RXRA: variants seen among roughly 807,000 people sequenced by gnomAD.
The protein encoded by RXRA is retinoic acid receptor RXR-alpha.
RXRA carries 5 observed loss-of-function variants against 44.5 expected under a neutral mutation model. That is an observed-to-expected ratio of 0.11 (90% confidence interval 0.06 to 0.24). RXRA has a LOEUF of 0.24. RXRA is among the 10% of genes least tolerant of loss of function. The probability of loss-of-function intolerance (pLI) is 1.00; values close to 1 mark genes in which losing one functional copy is unlikely to be tolerated. For synonymous variants in RXRA, 291 were observed against 271.4 expected (o/e 1.07, Z -0.71); for missense variants, 412 against 646.5 (o/e 0.64, Z 3.93).
intron 6 of RXRA, chr9:134,424,082 T>C (rs749199961): frequency 5.1e-6 from 5 of 985,210 alleles, no homozygotes; most frequent in Non-Finnish European, 6.0e-6. Context: ...CTGTGTGGGG[T>C]GTTCGTGGTG....
chr9:134,408,076 G>C, intron 2 of RXRA, 73 bp from the exon 3 acceptor site: 1 of 1,183,252 alleles, frequency 8.5e-7, no homozygotes. Context: ...CGCCATCCTT[G>C]CTGCAGGGCC....
chr9:134,376,385 C>G (rs78382306), intron 1 of RXRA, among the ~76,000 whole-genome samples: 1 of 152,220 alleles, frequency 6.6e-6, no homozygotes, highest in Non-Finnish European at 1.5e-5. Flanking sequence ...CTGCTCCCGT[C>G]TATGCTGTCT....
At chr9:134,414,514 G>A (rs527314531) in intron 4 of RXRA, among the ~76,000 whole-genome samples, 21 of 152,392 alleles carry the variant, frequency 1.4e-4, no homozygotes, top group Non-Finnish European at 2.9e-4. Context: ...AGAGAGGTCA[G>A]GGGACTTGGC....
rs35030950 is a variant in RXRA at position 134,401,996 on chromosome 9, C to T, written c.279+114C>T. ...CTCTGGGAGGTAGGTGCTGTGGTCT[C>T]CCCGCTTGACGCAGAGTATACAGAG... is the stretch of plus-strand genomic sequence containing the variant. On this transcript the variant is annotated intron_variant, in intron 2 of 9. Coordinates refer to ENST00000481739, the MANE Select transcript of RXRA (RefSeq NM_002957.6). 1.2e-5 allele frequency: 11 copies of T among 892,358 alleles called. No homozygotes were observed. In the East Asian group the frequency reaches 2.4e-4, roughly 19 times the overall value. 55.3% of individuals were successfully genotyped at this position (892,358 alleles called of 1,614,324 possible). A position where few individuals can be genotyped will look rare whatever the true frequency, so the allele number is the denominator to read the frequency against.
At chr9:134,384,907 A>C (rs1830696774) in intron 1 of RXRA, among the ~76,000 whole-genome samples, 1 of 152,114 alleles carries the variant, frequency 6.6e-6, no homozygotes, top group Non-Finnish European at 1.5e-5. Context: ...GGGTGTGAGC[A>C]TGTGGGGGTG....
At chr9:134,346,212 G>C (rs531891385) in intron 1 of RXRA, among the ~76,000 whole-genome samples, 26 of 152,280 alleles carry the variant, frequency 1.7e-4, no homozygotes, top group African/African-American at 6.3e-4. Context: ...TGTGGTCCTA[G>C]GGGTGGAGTC....
chr9:134,411,331 G>A (rs890324711), intron 4 of RXRA, among the ~76,000 whole-genome samples: 77 of 151,966 alleles, frequency 5.1e-4, no homozygotes, highest in Admixed American at 1.4e-3. Flanking sequence ...GGGCTGGGGG[G>A]ACCTGGAATC....
intron 5 of RXRA, among the ~76,000 whole-genome samples, chr9:134,419,478 CG>C (rs1260882449): frequency 1.3e-5 from 2 of 152,182 alleles, no homozygotes; most frequent in Non-Finnish European, 2.9e-5. Flanking sequence ...TCACACTGAA[CG>C]CTCCTCTGTG....
chr9:134,344,482 G>T (rs1415000413), intron 1 of RXRA, among the ~76,000 whole-genome samples: 1 of 152,194 alleles, frequency 6.6e-6, no homozygotes, highest in East Asian at 1.9e-4. Flanking sequence ...CTGGGCACCC[G>T]CCCAAGGCTT....
At chr9:134,333,525 A>G (rs1835040586) in intron 1 of RXRA, among the ~76,000 whole-genome samples, 1 of 151,828 alleles carries the variant, frequency 6.6e-6, no homozygotes, top group East Asian at 1.9e-4. Flanking sequence ...GGGAGGGGAG[A>G]GTGAGTTGGG....
intron 4 of RXRA, among the ~76,000 whole-genome samples, chr9:134,412,378 A>G (rs942868193): frequency 1.3e-5 from 2 of 152,190 alleles, no homozygotes; most frequent in African/African-American, 4.8e-5. Context: ...GTCGCATCCC[A>G]GTGCAGTGCT....
intron 1 of RXRA, among the ~76,000 whole-genome samples, chr9:134,359,781 G>C (rs1830327167): frequency 6.7e-6 from 1 of 149,966 alleles, no homozygotes; most frequent in African/African-American, 2.5e-5. Flanking sequence ...CAAGGATGTG[G>C]CCTGTCTGTC....
intron 1 of RXRA, among the ~76,000 whole-genome samples, chr9:134,370,726 G>A (rs1295841367): frequency 2.6e-5 from 4 of 151,904 alleles, no homozygotes; most frequent in South Asian, 2.1e-4. Flanking sequence ...GGACAGCAGC[G>A]TCCACCCCAT....
At chr9:134,428,918 C>T (rs561426160) in intron 6 of RXRA, among the ~76,000 whole-genome samples, 190 bp from the exon 7 acceptor site, 14 of 152,288 alleles carry the variant, frequency 9.2e-5, no homozygotes, top group South Asian at 2.1e-4. Flanking sequence ...TTTCGTGTGC[C>T]GGTGTGTACT....
chr9:134,377,772 G>C (rs1277218798), intron 1 of RXRA, among the ~76,000 whole-genome samples: 1 of 152,200 alleles, frequency 6.6e-6, no homozygotes, highest in Non-Finnish European at 1.5e-5. Context: ...GTTTTGATCT[G>C]TCATACCCTC....
At chr9:134,378,338 G>T (rs1830589320) in intron 1 of RXRA, among the ~76,000 whole-genome samples, 1 of 85,532 alleles carries the variant, frequency 1.2e-5, no homozygotes, top group Non-Finnish European at 2.8e-5. Flanking sequence ...GCCACCTGAA[G>T]GCGTGTGTGC....
intron 1 of RXRA, among the ~76,000 whole-genome samples, chr9:134,389,805 C>T (rs979063686): frequency 6.6e-6 from 1 of 152,182 alleles, no homozygotes; most frequent in African/African-American, 2.4e-5. Context: ...CTGGCCTCTC[C>T]ATCCCTCCCC....
intron 1 of RXRA, chr9:134,379,247 A>G (rs774867605): frequency 4.9e-5 from 48 of 984,954 alleles, no homozygotes; most frequent in Middle Eastern, 5.2e-4. Flanking sequence ...GGGCTCCCTG[A>G]GGGCGGGGCT....
chr9:134,338,537 G>A (rs190044201), intron 1 of RXRA, among the ~76,000 whole-genome samples: 203 of 152,364 alleles, frequency 1.3e-3, no homozygotes, highest in African/African-American at 4.5e-3. Flanking sequence ...CCCCACGTGC[G>A]TCTGGCCGCA....
Sources: gnomAD v4.1 joint callset for allele counts (sites outside exome capture counted in the v4.1 genomes callset) on GRCh38, gnomAD v4.1.1 for gene constraint, MANE v1.5 for transcripts, NCBI Gene and HGNC (gene_info 2026-07-23, HGNC 2026-07-21) for gene names.